The following TNKS variants were observed in gnomAD, a reference collection of about 807,000 sequenced individuals.
TNKS encodes the protein poly [ADP-ribose] polymerase tankyrase-1.
Under a neutral mutation model 135.8 loss-of-function variants are expected in TNKS, and 72 were observed. The ratio of observed to expected loss-of-function variants is 0.53; its 90% confidence interval spans 0.44 to 0.64. The LOEUF is 0.64. Ranked by LOEUF, TNKS falls within the 30% of genes least tolerant of loss-of-function variation. The pLI, the probability that TNKS is intolerant of heterozygous loss-of-function variation, is 0.00. For synonymous variants in TNKS, 849 were observed against 649.3 expected, an observed-to-expected ratio of 1.31 and a Z score of -4.68; for missense variants, 1,769 against 1,674.0, an observed-to-expected ratio of 1.06 and a Z score of -0.99.
chr8:9,701,112 T>C (rs1276166044), intron 5 of TNKS, among the ~76,000 whole-genome samples: 3 of 151,956 alleles, frequency 2.0e-5, no homozygotes, highest in Non-Finnish European at 4.4e-5. Context: ...TTTTTGTATT[T>C]TTAGTAGAGA....
At chr8:9,771,110 G>A (rs542385455) in intron 26 of TNKS, among the ~76,000 whole-genome samples, 1 of 151,414 alleles carries the variant, frequency 6.6e-6, no homozygotes, top group East Asian at 1.9e-4. Context: ...GTGTATATGA[G>A]AGAAAGAGAA....
intron 2 of TNKS, among the ~76,000 whole-genome samples, chr8:9,591,954 T>C (rs982514181): frequency 1.3e-5 from 2 of 152,216 alleles, no homozygotes; most frequent in African/African-American, 2.4e-5. Context: ...AAATGCTTTC[T>C]AACAACTTGC....
At chr8:9,666,918 A>C (rs1050163459) in intron 3 of TNKS, among the ~76,000 whole-genome samples, 2 of 152,182 alleles carry the variant, frequency 1.3e-5, no homozygotes, top group East Asian at 3.8e-4. Context: ...GTATAGAGGT[A>C]TGTAATATAT....
chr8:9,567,957 G>T (rs1449989867), intron 1 of TNKS, among the ~76,000 whole-genome samples: 2 of 152,172 alleles, frequency 1.3e-5, no homozygotes, highest in Middle Eastern at 3.4e-3. Flanking sequence ...AAAAAGGGGG[G>T]TATCATAGTG....
intron 2 of TNKS, among the ~76,000 whole-genome samples, chr8:9,609,279 C>A (rs1799355657): frequency 6.6e-6 from 1 of 152,148 alleles, no homozygotes; most frequent in African/African-American, 2.4e-5. Flanking sequence ...GTGCACTGGA[C>A]ATTTTACCAA....
chr8:9,776,627 G>T (rs1488078682), intron 26 of TNKS, 23 bp from the exon 27 acceptor site: 5 of 1,610,082 alleles, frequency 3.1e-6, no homozygotes, highest in Non-Finnish European at 4.2e-6. Flanking sequence ...AGGGTGATTT[G>T]TTTTTCTTCT....
chr8:9,713,631 C>A (rs1265462089), intron 11 of TNKS, among the ~76,000 whole-genome samples: 1 of 152,110 alleles, frequency 6.6e-6, no homozygotes, highest in Non-Finnish European at 1.5e-5. Flanking sequence ...ATAACGCTTG[C>A]TAGTAGGCAC....
chr8:9,703,096 G>C (rs1803889385), intron 5 of TNKS, among the ~76,000 whole-genome samples: 1 of 152,112 alleles, frequency 6.6e-6, no homozygotes, highest in Admixed American at 6.5e-5. Flanking sequence ...TTATCCTCGG[G>C]AGATAACGTT....
chr8:9,673,063 A>G (rs1018970022), intron 3 of TNKS, among the ~76,000 whole-genome samples: 16 of 152,032 alleles, frequency 1.1e-4, no homozygotes, highest in African/African-American at 3.9e-4. Flanking sequence ...ATTTGATAAT[A>G]CCCTCTTTTT....
At chr8:9,742,192 G>A (rs1467954404) in intron 17 of TNKS, among the ~76,000 whole-genome samples, 1 of 152,070 alleles carries the variant, frequency 6.6e-6, no homozygotes, top group Non-Finnish European at 1.5e-5. Context: ...GGTGGATTGA[G>A]TCACTCAAAA....
In TNKS at chr8:9,641,316, C is replaced by G. The variant is rs577922521; in HGVS notation, c.994+25639C>G. Among the ~76,000 whole-genome samples the G allele has an allele frequency of 1.9e-4, 27 of 142,530 alleles. 1 individual carries two copies. Among genetic ancestry groups the G allele is most frequent in the African/African-American group, 6.5e-4 (25 of 38,296 alleles). 93.5% of individuals were successfully genotyped at this position (142,530 alleles called of 152,430 possible). On this transcript the variant is annotated intron_variant, in intron 3 of 26. Coordinates refer to ENST00000310430, the MANE Select transcript of TNKS (RefSeq NM_003747.3). Reference sequence around the variant, plus strand: ...TTTTTTTTACCACTTGACTATCAGGCACTTTGATAGTTGTTCAGTATATAA... The same window carrying G: ...TTTTTTTTACCACTTGACTATCAGGGACTTTGATAGTTGTTCAGTATATAA...
At position 9,560,068 on chromosome 8, in the gene TNKS, C is replaced by A. The variant is rs573533582; in HGVS notation, c.673+3456C>A. Among the ~76,000 whole-genome samples the A allele has an allele frequency of 5.3e-5, 8 of 152,100 alleles. No homozygotes were observed. In the South Asian group the frequency reaches 1.7e-3, roughly 32 times the overall value. ...AGATGTGGTCCTTGACCCTGGTTTT[C>A]TATTATTTAAAGTATAGCAGTCAAA... On this transcript the variant is annotated intron_variant, in intron 1 of 26. Transcript: ENST00000310430.
chr8:9,619,016 C>T (rs1042185765), intron 3 of TNKS, among the ~76,000 whole-genome samples: 6 of 152,136 alleles, frequency 3.9e-5, no homozygotes, highest in East Asian at 1.9e-4. Flanking sequence ...GTTTTTTGAG[C>T]GAATTCCCTA....
chr8:9,780,248 A>G lies in TNKS; in HGVS notation c.*3512A>G, dbSNP rs1386391093. The G allele has an allele frequency of 6.7e-6, 1 of 148,156 alleles. No individual in the cohort carries two copies. The highest frequency in any genetic ancestry group is 1.5e-5 in the Non-Finnish European group (1 of 67,550). 9.2% of individuals were successfully genotyped at this position (148,156 alleles called of 1,614,324 possible). A position where few individuals can be genotyped will look rare whatever the true frequency, so the allele number is the denominator to read the frequency against. ...TCTGGATTCCTGTAAATGGCCTTGC[A>G]AACAGAAGTGGTGTGTATTTTCAAG... On this transcript the variant is annotated 3_prime_UTR_variant, in exon 27 of 27. Coordinates refer to ENST00000310430, the MANE Select transcript of TNKS (RefSeq NM_003747.3).
intron 11 of TNKS, among the ~76,000 whole-genome samples, chr8:9,714,414 TG>T (rs1804498800): frequency 6.6e-6 from 1 of 152,094 alleles, no homozygotes; most frequent in East Asian, 1.9e-4. Context: ...TGGTTATTTG[TG>T]AATATGAGCC....
intron 2 of TNKS, among the ~76,000 whole-genome samples, chr8:9,605,565 A>G (rs777967972): frequency 2.0e-5 from 3 of 152,102 alleles, no homozygotes; most frequent in Non-Finnish European, 2.9e-5. Context: ...AGGAACTGCT[A>G]AACTGATTTC....
chr8:9,565,270 GTTAT>G (rs143622761), intron 1 of TNKS, among the ~76,000 whole-genome samples: 3 of 151,908 alleles, frequency 2.0e-5, no homozygotes, highest in South Asian at 4.2e-4. Flanking sequence ...ATTTAGACAA[GTTAT>G]TTATTTATTT....
At chr8:9,626,763 T>A (rs1326083838) in intron 3 of TNKS, among the ~76,000 whole-genome samples, 3 of 152,220 alleles carry the variant, frequency 2.0e-5, no homozygotes, top group Non-Finnish European at 4.4e-5. Flanking sequence ...AGGGAGTTTT[T>A]AATTATTGCT....
At chr8:9,665,754 ACT>A (rs1801955292) in intron 3 of TNKS, among the ~76,000 whole-genome samples, 1 of 151,886 alleles carries the variant, frequency 6.6e-6, no homozygotes, top group South Asian at 2.1e-4. Flanking sequence ...GGATTCTTCA[ACT>A]CTCATGAATT....
Sources: allele counts gnomAD v4.1 joint callset (sites outside exome capture counted in the v4.1 genomes callset), GRCh38; gene constraint gnomAD v4.1.1; transcripts MANE v1.5; gene names NCBI Gene and HGNC (gene_info 2026-07-23, HGNC 2026-07-21).